Variants in CAMK1D observed in about 807,000 individuals in gnomAD.
The protein encoded by CAMK1D is calcium/calmodulin dependent protein kinase ID.
CAMK1D carries 9 observed loss-of-function variants against 47.7 expected under a neutral mutation model. That is an observed-to-expected ratio of 0.19 (90% CI 0.11 to 0.33). The LOEUF (loss-of-function observed/expected upper bound fraction) is 0.33. Ranked by LOEUF, CAMK1D falls within the 10% of genes least tolerant of loss-of-function variation. CAMK1D has a pLI of 1.00. For missense variants in CAMK1D, 291 were observed against 488.7 expected, an observed-to-expected ratio of 0.60 and a Z score of 3.81; for synonymous variants, 184 against 184.9, an observed-to-expected ratio of 0.99 and a Z score of 0.04.
At chr10:12,354,337 C>T (rs976531114) in intron 1 of CAMK1D, among the ~76,000 whole-genome samples, 3 of 152,024 alleles carry the variant, frequency 2.0e-5, no homozygotes, top group Non-Finnish European at 4.4e-5. Flanking sequence ...CATTGACCTA[C>T]ATTACCTTCT....
intron 3 of CAMK1D, among the ~76,000 whole-genome samples, chr10:12,685,294 C>G (rs1431314515): frequency 6.6e-6 from 1 of 152,200 alleles, no homozygotes; most frequent in Non-Finnish European, 1.5e-5. Context: ...GAACGAGACT[C>G]TGTCTCAAAA....
At chr10:12,804,650 C>T (rs1439956622) in intron 6 of CAMK1D, among the ~76,000 whole-genome samples, 1 of 151,492 alleles carries the variant, frequency 6.6e-6, no homozygotes, top group Non-Finnish European at 1.5e-5. Context: ...ATGAAAGATA[C>T]AGGCTGAGTA....
intron 1 of CAMK1D, among the ~76,000 whole-genome samples, chr10:12,406,302 C>T (rs572965278): frequency 6.6e-4 from 100 of 152,144 alleles, no homozygotes; most frequent in African/African-American, 2.2e-3. Context: ...CGTCATGTCG[C>T]GCCAAACACC....
intron 2 of CAMK1D, among the ~76,000 whole-genome samples, chr10:12,654,948 C>T (rs1840078309): frequency 6.6e-6 from 1 of 152,176 alleles, no homozygotes; most frequent in Admixed American, 6.5e-5. Flanking sequence ...GGCCACGCCG[C>T]AGGCCAATCA....
intron 1 of CAMK1D, among the ~76,000 whole-genome samples, chr10:12,446,084 T>C (rs116632054): frequency 0.011 from 1,610 of 152,302 alleles, 44 homozygotes; most frequent in East Asian, 0.091. Context: ...TACTTCATCC[T>C]TCAGCCTGCT....
chr10:12,684,470 G>A (rs969010058), intron 3 of CAMK1D, among the ~76,000 whole-genome samples: 7 of 151,956 alleles, frequency 4.6e-5, no homozygotes, highest in African/African-American at 1.7e-4. Flanking sequence ...CCCTTGGTTA[G>A]GCTCCTCAAA....
At chr10:12,393,352 T>C (rs1838816242) in intron 1 of CAMK1D, among the ~76,000 whole-genome samples, 4 of 152,154 alleles carry the variant, frequency 2.6e-5, no homozygotes, top group Admixed American at 1.3e-4. Flanking sequence ...TTTTAAGGAA[T>C]ACATTTTCTT....
intron 3 of CAMK1D, among the ~76,000 whole-genome samples, chr10:12,725,957 A>C (rs11593894): frequency 0.27 from 41,242 of 151,404 alleles, 5,706 homozygotes; most frequent in Admixed American, 0.31. Flanking sequence ...GGGCTTCCTC[A>C]TGTTGGCCAG....
chr10:12,412,592 C>T (rs1378456576), intron 1 of CAMK1D, among the ~76,000 whole-genome samples: 1 of 143,302 alleles, frequency 7.0e-6, no homozygotes, highest in Non-Finnish European at 1.5e-5. Context: ...CACTGCACTC[C>T]AGCCTGGGCA....
At chr10:12,377,404 T>A (rs1244326899) in intron 1 of CAMK1D, among the ~76,000 whole-genome samples, 1 of 152,238 alleles carries the variant, frequency 6.6e-6, no homozygotes, top group East Asian at 1.9e-4. Context: ...TGTCCTCTTA[T>A]ATGAGTGGAT....
intron 2 of CAMK1D, among the ~76,000 whole-genome samples, chr10:12,647,464 T>C (rs1839843807): frequency 6.6e-6 from 1 of 152,180 alleles, no homozygotes; most frequent in African/African-American, 2.4e-5. Flanking sequence ...CCTAGTTTTT[T>C]ACTTCAGAAA....
At chr10:12,650,981 C>T (rs1308579726) in intron 2 of CAMK1D, among the ~76,000 whole-genome samples, 1 of 152,214 alleles carries the variant, frequency 6.6e-6, no homozygotes, top group Non-Finnish European at 1.5e-5. Flanking sequence ...CTAAGGCTCC[C>T]TGGATTAAGC....
chr10:12,791,326 T>G (rs1837969613), intron 6 of CAMK1D, 93 bp downstream of exon 6: 1 of 1,172,022 alleles, frequency 8.5e-7, no homozygotes, highest in East Asian at 2.3e-5. Flanking sequence ...TTTTTAAGGG[T>G]ACAGTTTAAG....
intron 1 of CAMK1D, among the ~76,000 whole-genome samples, chr10:12,542,003 T>C (rs1036206143): frequency 1.3e-5 from 2 of 151,996 alleles, no homozygotes; most frequent in Non-Finnish European, 2.9e-5. Context: ...GCTTCGTGAG[T>C]AGCTGGGACA....
At chr10:12,774,809 G>C (rs1432674803) in intron 5 of CAMK1D, among the ~76,000 whole-genome samples, 1 of 152,370 alleles carries the variant, frequency 6.6e-6, no homozygotes, top group Middle Eastern at 3.4e-3. Context: ...TTTAGGTTGC[G>C]CGCTCCTTTT....
intron 3 of CAMK1D, among the ~76,000 whole-genome samples, chr10:12,675,945 G>GT (rs1840794149): frequency 6.9e-6 from 1 of 145,420 alleles, no homozygotes; most frequent in East Asian, 1.9e-4. Flanking sequence ...TTTATGTTTT[G>GT]TTTGTTTGTT....
intron 1 of CAMK1D, among the ~76,000 whole-genome samples, chr10:12,447,552 A>T (rs549868064): frequency 6.6e-6 from 1 of 152,200 alleles, no homozygotes; most frequent in Non-Finnish European, 1.5e-5. Context: ...AAATTAAGAA[A>T]TTAGCTGAGT....
In CAMK1D at chr10:12,635,645, A is replaced by G. The variant is rs1325393977; in HGVS notation, c.225-31091A>G. On this transcript the variant is annotated intron_variant, in intron 2 of 10. Transcript: ENST00000619168. Reference sequence around the variant, plus strand: ...GGCTTTGCAAATATCAGTATTTGCTAAAAATGAGGCCTACAGATTTTAATG... The same window carrying G: ...GGCTTTGCAAATATCAGTATTTGCTGAAAATGAGGCCTACAGATTTTAATG... Among the ~76,000 whole-genome samples, 4 of 152,220 alleles carry G rather than the reference A, an allele frequency of 2.6e-5. 1 individual carries two copies. The highest frequency in any genetic ancestry group is 6.3e-3 in the Middle Eastern group (2 of 316).
At chr10:12,459,532 A>G (rs1833362367) in intron 1 of CAMK1D, among the ~76,000 whole-genome samples, 1 of 152,202 alleles carries the variant, frequency 6.6e-6, no homozygotes, top group Non-Finnish European at 1.5e-5. Context: ...ACACTCAGAT[A>G]AATCACATAG....
Sources: gnomAD v4.1 joint callset for allele counts (sites outside exome capture counted in the v4.1 genomes callset) on GRCh38, gnomAD v4.1.1 for gene constraint, MANE v1.5 for transcripts, NCBI Gene and HGNC (gene_info 2026-07-23, HGNC 2026-07-21) for gene names.